The following SKOR2 variants were observed in gnomAD, a reference collection of about 807,000 sequenced individuals.
SKOR2 encodes the protein LBX1 corepressor 1-like protein.
In SKOR2, 47 loss-of-function variants were observed where a neutral mutation model predicts 69.1. That is an observed-to-expected ratio of 0.68 (90% CI 0.54 to 0.87). SKOR2 has a LOEUF of 0.87. Ranked by LOEUF, SKOR2 falls within the 40% of genes least tolerant of loss-of-function variation. SKOR2 has a pLI of 0.00. For missense variants in SKOR2, 1,404 were observed against 1,472.2 expected, an observed-to-expected ratio of 0.95 and a Z score of 0.76; for synonymous variants, 717 against 672.6, an observed-to-expected ratio of 1.07 and a Z score of -1.02.
chr18:47,215,965 C>A (rs1391652697), intron 7 of SKOR2, among the ~76,000 whole-genome samples: 1 of 152,106 alleles, frequency 6.6e-6, no homozygotes, highest in Non-Finnish European at 1.5e-5. Context: ...TTGCCAAATT[C>A]ATAATAAAAA....
chr18:47,224,688 C>T (rs2064172794), intron 6 of SKOR2, among the ~76,000 whole-genome samples: 1 of 151,444 alleles, frequency 6.6e-6, no homozygotes, highest in Non-Finnish European at 1.5e-5. Flanking sequence ...GACCAGAGCT[C>T]ACTGCAGCCT....
At chr18:47,221,803 C>T (rs941163824) in intron 6 of SKOR2, among the ~76,000 whole-genome samples, 3 of 152,152 alleles carry the variant, frequency 2.0e-5, no homozygotes, top group East Asian at 1.9e-4. Context: ...CAGGAAGATA[C>T]GTTTAGACAC....
chr18:47,217,479 A>G (rs900584576), intron 7 of SKOR2, among the ~76,000 whole-genome samples: 2 of 152,184 alleles, frequency 1.3e-5, no homozygotes, highest in African/African-American at 4.8e-5. Context: ...ATTTGCTAGT[A>G]TTCCTTCCTT....
chr18:47,246,417 T>C (rs1488035626), intron 2 of SKOR2, among the ~76,000 whole-genome samples, 154 bp downstream of exon 2: 2 of 152,230 alleles, frequency 1.3e-5, no homozygotes, highest in Non-Finnish European at 2.9e-5. Context: ...GGAGGACCAC[T>C]GGCAGGAAAG....
intron 4 of SKOR2, among the ~76,000 whole-genome samples, chr18:47,236,704 C>T (rs1055766100): frequency 1.3e-5 from 2 of 152,182 alleles, no homozygotes; most frequent in Non-Finnish European, 2.9e-5. Context: ...TCTGCCAGTG[C>T]CTTGATCTTG....
chr18:47,247,759 G>A lies in SKOR2; in HGVS notation c.1425C>T (p.Thr475=), dbSNP rs779831422. ...PPFCMFWPPR[T]PGGLPVPTYL... is the part of the protein sequence containing the mutation. ...AGGTGGGCACCGGGAGCCCGCCAGG[G>A]GTCCGCGGCGGCCAGAACATGCAGA... Residue 475 remains threonine, a synonymous_variant, in exon 2 of 9, where the codon ACC becomes ACT. Transcript: ENST00000425639. The surrounding 1 kb of genome is among the most constrained non-coding windows in gnomAD (Gnocchi z 6.6). The A allele has an allele frequency of 3.6e-6, 5 of 1,381,038 alleles. No homozygotes were observed. The South Asian group carries it at 8.3e-5, about 23-fold the overall frequency. The allele number at this position is 1,381,038 out of a possible 1,614,324, so 85.5% of individuals were successfully genotyped here. A position where few individuals can be genotyped will look rare whatever the true frequency, so the allele number is the denominator to read the frequency against.
In SKOR2 at chr18:47,249,279, C is replaced by T. The variant is rs141813697; in HGVS notation, c.-47-49G>A. 6.0e-5 allele frequency: 84 copies of T among 1,396,918 alleles called. No individual in the cohort carries two copies. In the East Asian group the frequency reaches 2.0e-3, roughly 34 times the overall value. The allele number at this position is 1,396,918 out of a possible 1,614,324, so 86.5% of individuals were successfully genotyped here. ...TGACTTGAGCCTTTTCAGACTAAAA[C>T]AGAGGGGTGGGATGAATCGCTAACC... On this transcript the variant is annotated intron_variant, in intron 1 of 8. Coordinates refer to ENST00000425639, the MANE Select transcript of SKOR2 (RefSeq NM_001278063.4).
At chr18:47,243,977 T>A (rs756014152) in intron 4 of SKOR2, among the ~76,000 whole-genome samples, 8 of 152,234 alleles carry the variant, frequency 5.3e-5, no homozygotes, top group Non-Finnish European at 1.0e-4. Flanking sequence ...AAATATCTGA[T>A]GATATATAAA....
At chr18:47,220,639 T>C (rs2064158517) in intron 6 of SKOR2, among the ~76,000 whole-genome samples, 1 of 152,208 alleles carries the variant, frequency 6.6e-6, no homozygotes, top group South Asian at 2.1e-4. Context: ...CTTTAAGAGA[T>C]ATTGTCATGC....
chr18:47,235,456 C>T (rs909577401), intron 4 of SKOR2, among the ~76,000 whole-genome samples: 4 of 152,190 alleles, frequency 2.6e-5, no homozygotes, highest in South Asian at 2.1e-4. Context: ...TTGTGATCTG[C>T]ATGGTTTCTG....
At chr18:47,231,502 TAAGCC>T in intron 4 of SKOR2, among the ~76,000 whole-genome samples, 1 of 152,064 alleles carries the variant, frequency 6.6e-6, no homozygotes, top group South Asian at 2.1e-4. Context: ...TTGTAAATGA[TAAGCC>T]TGGAGGGGTT....
intron 3 of SKOR2, 62 bp from the exon 4 acceptor site, chr18:47,245,044 T>A: frequency 7.7e-6 from 11 of 1,434,640 alleles, no homozygotes; most frequent in Admixed American, 4.8e-5. Flanking sequence ...CACACAAAGA[T>A]CCAATTTTTT....
At chr18:47,209,330 C>G (rs771388704) in intron 8 of SKOR2, among the ~76,000 whole-genome samples, 4 of 152,104 alleles carry the variant, frequency 2.6e-5, no homozygotes, top group African/African-American at 7.2e-5. Flanking sequence ...TGCATCAGTA[C>G]CTAATTTGGA....
chr18:47,223,980 G>A (rs1600030459), intron 6 of SKOR2, among the ~76,000 whole-genome samples: 1 of 151,336 alleles, frequency 6.6e-6, no homozygotes, highest in South Asian at 2.1e-4. Context: ...ATCTCAGCTT[G>A]CTACAACCTC....
chr18:47,215,853 A>G (rs1233892880), intron 7 of SKOR2, among the ~76,000 whole-genome samples: 7 of 152,212 alleles, frequency 4.6e-5, no homozygotes, highest in Admixed American at 1.3e-4. Flanking sequence ...GTGTTGCAGC[A>G]TCACAACGTT....
At chr18:47,241,429 A>G (rs2064248250) in intron 4 of SKOR2, among the ~76,000 whole-genome samples, 1 of 152,312 alleles carries the variant, frequency 6.6e-6, no homozygotes, top group Admixed American at 6.5e-5. Flanking sequence ...TAAATACATT[A>G]ATACCAAAAC....
intron 4 of SKOR2, among the ~76,000 whole-genome samples, chr18:47,243,705 G>A (rs2064258902): frequency 6.6e-6 from 1 of 152,080 alleles, no homozygotes; most frequent in African/African-American, 2.4e-5. Context: ...GACACTTAGG[G>A]CAAATTTGCA....
intron 1 of SKOR2, 148 bp downstream of exon 1, chr18:47,251,226 C>G (rs1279436367): frequency 1.3e-5 from 2 of 152,330 alleles, no homozygotes; most frequent in African/African-American, 4.8e-5. Context: ...CCCCCCACCC[C>G]CAACTTAGTT....
In SKOR2 at chr18:47,248,879, AG is replaced by A; in HGVS notation, c.304del (p.Leu102CysfsTer16). 1 of 1,567,154 alleles carries A rather than the reference AG, an allele frequency of 6.4e-7. No homozygotes were observed. The highest frequency in any genetic ancestry group is 8.6e-7 in the Non-Finnish European group (1 of 1,163,962). On this transcript the variant is annotated frameshift_variant, in exon 2 of 9. Transcript: ENST00000425639. LOFTEE classifies it high-confidence loss of function. This position sits in a 1 kb window ranked among gnomAD's most constrained non-coding sequence, Gnocchi z 6.4. ...VQCTPVQLEILRRAGAMPISS... is the reference protein window; with the variant it reads ...VQCTPVQLEIXRRAGAMPISS... The stretch of plus-strand genomic sequence containing the variant: ...GATGGGCATGGCCCCGGCACGCCGC[AG>A]GATCTCCAGTTGCACCGGCGTGCAC...
Sources: allele counts gnomAD v4.1 joint callset (sites outside exome capture counted in the v4.1 genomes callset), GRCh38; gene constraint gnomAD v4.1.1; non-coding constraint Gnocchi (gnomAD v3.1); transcripts MANE v1.5; gene names NCBI Gene and HGNC (gene_info 2026-07-23, HGNC 2026-07-21).